CATSPERB: variants seen among roughly 807,000 people sequenced by gnomAD.
CATSPERB encodes the protein catsper channel auxiliary subunit beta, also known as cation channel sperm-associated auxiliary subunit beta.
Under a neutral mutation model 128.3 loss-of-function variants are expected in CATSPERB, and 93 were observed. That is an observed-to-expected ratio of 0.72 (90% CI 0.61 to 0.86). The LOEUF (loss-of-function observed/expected upper bound fraction) is 0.86. Among genes scored for constraint, CATSPERB ranks in the 40% least tolerant of loss-of-function variants. CATSPERB has a pLI of 0.00. For synonymous variants in CATSPERB, 381 were observed against 448.8 expected (o/e 0.85, Z 1.91); for missense variants, 1,153 against 1,329.5 (o/e 0.87, Z 2.06).
intron 14 of CATSPERB, among the ~76,000 whole-genome samples, chr14:91,667,975 A>G (rs527396714): frequency 6.6e-6 from 1 of 152,282 alleles, no homozygotes; most frequent in African/African-American, 2.4e-5. Flanking sequence ...TTACAAATGG[A>G]ACCCCAAATG....
At chr14:91,596,213 T>C (rs191057231) in intron 22 of CATSPERB, among the ~76,000 whole-genome samples, 537 of 151,046 alleles carry the variant, frequency 3.6e-3, no homozygotes, top group Non-Finnish European at 6.1e-3. Flanking sequence ...TCCACCCCCC[T>C]TTTTTTTTGA....
At chr14:91,628,419 A>C (rs1319094173) in intron 17 of CATSPERB, among the ~76,000 whole-genome samples, 1 of 152,234 alleles carries the variant, frequency 6.6e-6, no homozygotes, top group Non-Finnish European at 1.5e-5. Context: ...ACTATAGCAA[A>C]AAATGTTCTA....
chr14:91,673,415 C>G (rs1895133933), intron 12 of CATSPERB, among the ~76,000 whole-genome samples: 1 of 152,160 alleles, frequency 6.6e-6, no homozygotes, highest in Non-Finnish European at 1.5e-5. Context: ...CTACCATTCT[C>G]CTTGGCTGCA....
At chr14:91,594,430 G>A (rs1042180004) in intron 22 of CATSPERB, among the ~76,000 whole-genome samples, 26 of 150,624 alleles carry the variant, frequency 1.7e-4, no homozygotes, top group East Asian at 1.4e-3. Flanking sequence ...ATACATATGT[G>A]ACAAACCTGC....
rs149789586 is a variant in CATSPERB, at chr14:91,654,881, C to T, written c.1432+4956G>A. ...ACAAGGGTGCTTGCATCACCCCTCCCCTAGCTCCAGGCAGCTTAGCACAGA... is the reference window on the plus strand; with the variant it reads ...ACAAGGGTGCTTGCATCACCCCTCCTCTAGCTCCAGGCAGCTTAGCACAGA... On this transcript the variant is annotated intron_variant, in intron 15 of 26. Coordinates refer to ENST00000256343, the MANE Select transcript of CATSPERB (RefSeq NM_024764.4). Among the ~76,000 whole-genome samples, 962 of 152,278 alleles carry T rather than the reference C, an allele frequency of 6.3e-3. 5 individuals carry two copies. Among genetic ancestry groups the T allele is most frequent in the Admixed American group, 0.011 (166 of 15,308 alleles).
chr14:91,695,293 C>T (rs1026918541), intron 7 of CATSPERB, among the ~76,000 whole-genome samples: 1 of 152,072 alleles, frequency 6.6e-6, no homozygotes, highest in Admixed American at 6.6e-5. Flanking sequence ...CCATGTCTGG[C>T]TAAATTTTAG....
At chr14:91,670,709 A>G (rs532802157) in intron 13 of CATSPERB, among the ~76,000 whole-genome samples, 1 of 152,078 alleles carries the variant, frequency 6.6e-6, no homozygotes, top group East Asian at 1.9e-4. Flanking sequence ...AAACCTCAAA[A>G]TATGCCACTT....
At chr14:91,584,913 G>A (rs1338261647) in intron 26 of CATSPERB, among the ~76,000 whole-genome samples, 3 of 152,034 alleles carry the variant, frequency 2.0e-5, no homozygotes, top group Admixed American at 6.6e-5. Context: ...ATCTTGTTTA[G>A]GGCTCATTAA....
At chr14:91,688,613 G>A (rs887043109) in intron 10 of CATSPERB, among the ~76,000 whole-genome samples, 1 of 152,054 alleles carries the variant, frequency 6.6e-6, no homozygotes, top group Non-Finnish European at 1.5e-5. Flanking sequence ...TTGCCCTTGT[G>A]ATTTCTAGTG....
chr14:91,722,911 G>T (rs1896057754), intron 4 of CATSPERB, 138 bp downstream of exon 4: 2 of 542,500 alleles, frequency 3.7e-6, no homozygotes, highest in African/African-American at 3.9e-5. Flanking sequence ...AAAGCAAAAA[G>T]TGTAACACTA....
At position 91,636,418 on chromosome 14, in the gene CATSPERB, T is replaced by C; in HGVS notation, c.1742+7A>G. On this transcript the variant is annotated splice_region_variant and intron_variant, in intron 17 of 26. Transcript: ENST00000256343. ...AATATGCCATCTAAATAAATGCATA[T>C]CACTACCCAGAGTGTATCACTTTTC... The C allele has an allele frequency of 6.2e-7, 1 of 1,612,500 alleles. No homozygotes were observed. Among genetic ancestry groups the C allele is most frequent in the Non-Finnish European group, 8.5e-7 (1 of 1,179,296 alleles).
chr14:91,730,359 G>A (rs1896191848), intron 1 of CATSPERB, among the ~76,000 whole-genome samples: 1 of 152,158 alleles, frequency 6.6e-6, no homozygotes, highest in African/African-American at 2.4e-5. Flanking sequence ...CAGGAGAGAC[G>A]CATGAACAGT....
chr14:91,592,034 TTTTCTGCG>T (rs1177225824), intron 22 of CATSPERB, 32 bp from the exon 23 acceptor site: 1 of 1,375,826 alleles, frequency 7.3e-7, no homozygotes. Context: ...GTTGACTTGT[TTTTCTGCG>T]TTGCGGGATT....
intron 20 of CATSPERB, among the ~76,000 whole-genome samples, chr14:91,612,037 T>TTTCTTTCTTTCTTTCTTTCA (rs1893840113): frequency 9.8e-6 from 1 of 101,752 alleles, no homozygotes; most frequent in African/African-American, 3.3e-5. Context: ...TCTTTCTTTC[T>TTTCTTTCTTTCTTTCTTTCA]TTCTTTCTTT....
intron 6 of CATSPERB, among the ~76,000 whole-genome samples, chr14:91,707,575 CTTTTTTTTTTTTTTTTTTTTTTTTT>C (rs539712771): frequency 1.7e-5 from 1 of 58,254 alleles, no homozygotes; most frequent in Non-Finnish European, 3.1e-5. Flanking sequence ...TATGTACTTC[CTTTTTTTTTTTTTTTTTTTTTTTTT>C]TTTTTTTTTT....
chr14:91,704,645 AT>A lies in CATSPERB; in HGVS notation c.522del (p.Lys174AsnfsTer7), dbSNP rs759507365. Reference sequence around the variant, plus strand: ...TTGAGATCTACCACATGTGGATATAATTTACTGATTTCACTTTCTGGAATCA... The same window carrying A: ...TTGAGATCTACCACATGTGGATATAATTACTGATTTCACTTTCTGGAATCA... ...GDVIPESEISKLYPHVVDLKV... is the reference protein window; with the variant it reads ...GDVIPESEISXLYPHVVDLKV... On this transcript the variant is annotated frameshift_variant, in exon 7 of 27. Coordinates refer to ENST00000256343, the MANE Select transcript of CATSPERB (RefSeq NM_024764.4). LOFTEE classifies it high-confidence loss of function. 1.2e-6 allele frequency: 2 copies of A among 1,613,902 alleles called. No homozygotes were observed. Among genetic ancestry groups the A allele is most frequent in the Non-Finnish European group, 1.7e-6 (2 of 1,179,868 alleles).
chr14:91,667,967 ACAAATGGAACCC>A (rs1435385810), intron 14 of CATSPERB, among the ~76,000 whole-genome samples: 2 of 152,200 alleles, frequency 1.3e-5, no homozygotes, highest in African/African-American at 4.8e-5. Context: ...AGATGGTCTT[ACAAATGGAACCC>A]CAAATGAGCT....
chr14:91,725,422 T>C (rs1423664065), intron 2 of CATSPERB, among the ~76,000 whole-genome samples: 1 of 152,182 alleles, frequency 6.6e-6, no homozygotes, highest in East Asian at 1.9e-4. Context: ...ACAAAATTTT[T>C]AGAGGTAGAC....
chr14:91,634,665 TACATAC>T (rs1399979275), intron 17 of CATSPERB, among the ~76,000 whole-genome samples: 6 of 67,278 alleles, frequency 8.9e-5, no homozygotes, highest in East Asian at 8.4e-4. Flanking sequence ...TATATATATA[TACATAC>T]ACACACACAC....
Sources: allele counts gnomAD v4.1 joint callset (sites outside exome capture counted in the v4.1 genomes callset), GRCh38; gene constraint gnomAD v4.1.1; transcripts MANE v1.5; gene names NCBI Gene and HGNC (gene_info 2026-07-23, HGNC 2026-07-21).